The following ESRRG variants were observed in gnomAD, a reference collection of about 807,000 sequenced individuals.
ESRRG encodes the protein estrogen related receptor gamma, also known as estrogen-related receptor gamma.
In ESRRG, 13 loss-of-function variants were observed where a neutral mutation model predicts 44.0. That is an observed-to-expected ratio of 0.30 (90% confidence interval 0.19 to 0.47). The LOEUF (loss-of-function observed/expected upper bound fraction) is 0.47, where lower values mean the gene tolerates loss of function less well. Among genes scored for constraint, ESRRG ranks in the 20% least tolerant of loss-of-function variants. The pLI, the probability that ESRRG is intolerant of heterozygous loss-of-function variation, is 1.00. For synonymous variants in ESRRG, 215 were observed against 214.6 expected (o/e 1.00, Z -0.02); for missense variants, 395 against 580.6 (o/e 0.68, Z 3.29).
rs767065630 is a variant in ESRRG at position 217,008,424 on chromosome 1, C to T, written c.-105-68751G>A. ...CAAACCCTGGACTCCAGTGACTGCT[C>T]TAGAATATCTACATAATGGAATATT... On this transcript the variant is annotated intron_variant, in intron 1 of 7. Transcript: ENST00000359162. 2.4e-4 allele frequency among the ~76,000 whole-genome samples: 36 copies of T among 152,180 alleles called. 1 individual carries two copies. Among genetic ancestry groups the T allele is most frequent in the Non-Finnish European group, 4.6e-4 (31 of 68,030 alleles).
chr1:216,658,658 T>C (rs1331406310), intron 2 of ESRRG, among the ~76,000 whole-genome samples: 1 of 64,164 alleles, frequency 1.6e-5, no homozygotes, highest in Non-Finnish European at 3.0e-5. Flanking sequence ...CCATCTCTAC[T>C]AAAAATACAA....
chr1:217,034,218 G>C (rs2082490869), intron 1 of ESRRG, among the ~76,000 whole-genome samples: 1 of 152,146 alleles, frequency 6.6e-6, no homozygotes, highest in African/African-American at 2.4e-5. Context: ...ATGAGATTTT[G>C]CAACTTGAAT....
intron 1 of ESRRG, among the ~76,000 whole-genome samples, chr1:217,099,158 G>A (rs746779700): frequency 6.6e-6 from 1 of 152,168 alleles, no homozygotes; most frequent in Admixed American, 6.5e-5. Context: ...GCACAGAGTA[G>A]GTGTTCAATA....
At chr1:216,855,219 A>C (rs1468602884) in intron 2 of ESRRG, 5 of 152,186 alleles carry the variant, frequency 3.3e-5, no homozygotes, top group Non-Finnish European at 4.4e-5. Context: ...AAACAAAAAC[A>C]TGCAAAAGTT....
intron 1 of ESRRG, among the ~76,000 whole-genome samples, chr1:216,949,852 A>G (rs1472457075): frequency 2.7e-5 from 4 of 149,074 alleles, no homozygotes; most frequent in Admixed American, 6.7e-5. Flanking sequence ...TTGATCTGTC[A>G]CCCAGGCTGG....
intron 3 of ESRRG, among the ~76,000 whole-genome samples, chr1:216,594,590 C>T (rs1264727058): frequency 6.6e-6 from 1 of 152,160 alleles, no homozygotes; most frequent in Non-Finnish European, 1.5e-5. Context: ...CTAGTGAAAT[C>T]TGAGCACTCA....
intron 2 of ESRRG, chr1:216,936,715 AAAG>A (rs1026079544): frequency 8.5e-5 from 13 of 152,102 alleles, no homozygotes; most frequent in East Asian, 1.9e-4. Context: ...GGAAAAAAAA[AAAG>A]AAGAAGGAGA....
chr1:216,992,646 C>T (rs1269114049), intron 1 of ESRRG, among the ~76,000 whole-genome samples: 3 of 152,172 alleles, frequency 2.0e-5, no homozygotes, highest in Non-Finnish European at 4.4e-5. Context: ...CAAAGTTAAA[C>T]TGTGACTGAA....
At chr1:216,523,951 A>T (rs1434602920) in intron 5 of ESRRG, among the ~76,000 whole-genome samples, 1 of 151,996 alleles carries the variant, frequency 6.6e-6, no homozygotes, top group African/African-American at 2.4e-5. Context: ...CATTTTGAGA[A>T]GCTGATTAAG....
At chr1:217,094,055 T>A (rs917493280), upstream of ESRRG, among the ~76,000 whole-genome samples, 2 of 151,894 alleles carry the variant, frequency 1.3e-5, no homozygotes, top group South Asian at 4.2e-4. Context: ...GCTATTTTTT[T>A]AAACTTTTTT....
At chr1:216,673,195 A>C (rs1444881510) in intron 2 of ESRRG, among the ~76,000 whole-genome samples, 2 of 152,226 alleles carry the variant, frequency 1.3e-5, no homozygotes, top group East Asian at 1.9e-4. Context: ...TTGGAATAAG[A>C]GTCTGGGCCA....
At chr1:217,068,804 A>C (rs1385020229) in intron 1 of ESRRG, among the ~76,000 whole-genome samples, 1 of 152,216 alleles carries the variant, frequency 6.6e-6, no homozygotes, top group African/African-American at 2.4e-5. Flanking sequence ...GGTAAAAAGC[A>C]ATCACTTTTT....
At chr1:216,893,557 T>A (rs928964479) in intron 2 of ESRRG, among the ~76,000 whole-genome samples, 1 of 152,160 alleles carries the variant, frequency 6.6e-6, no homozygotes, top group Non-Finnish European at 1.5e-5. Context: ...AGACACAGTG[T>A]CTGGCAAGCA....
chr1:216,736,884 C>A (rs1433503081), intron 2 of ESRRG, among the ~76,000 whole-genome samples: 1 of 152,088 alleles, frequency 6.6e-6, no homozygotes, highest in Admixed American at 6.6e-5. Flanking sequence ...TCTCTATAGA[C>A]CTGTTTCCCT....
chr1:217,008,339 A>G (rs1331957993), intron 1 of ESRRG, among the ~76,000 whole-genome samples: 1 of 152,242 alleles, frequency 6.6e-6, no homozygotes, highest in Non-Finnish European at 1.5e-5. Flanking sequence ...CTTTTTCCAT[A>G]CATTATTTCT....
chr1:216,902,609 T>C (rs1246007589), intron 2 of ESRRG, among the ~76,000 whole-genome samples: 1 of 152,226 alleles, frequency 6.6e-6, no homozygotes, highest in Non-Finnish European at 1.5e-5. Context: ...TACTCCTCAA[T>C]GCTGGACCCA....
chr1:216,568,143 T>C, intron 3 of ESRRG, 45 bp from the exon 4 acceptor site: 1 of 1,349,816 alleles, frequency 7.4e-7, no homozygotes, highest in Non-Finnish European at 1.1e-6. Context: ...GGTAGCTATG[T>C]TTGAGACCAA....
chr1:216,818,797 G>T (rs755563416), intron 2 of ESRRG, among the ~76,000 whole-genome samples: 1 of 152,012 alleles, frequency 6.6e-6, no homozygotes, highest in Non-Finnish European at 1.5e-5. Flanking sequence ...CCCAGTGTGT[G>T]TTGTTCCCCC....
intron 3 of ESRRG, among the ~76,000 whole-genome samples, chr1:216,639,316 GAA>G (rs968587085): frequency 6.6e-6 from 1 of 152,180 alleles, no homozygotes; most frequent in Non-Finnish European, 1.5e-5. Flanking sequence ...TGAAGGGAGA[GAA>G]AGTTGTATTT....
Sources: gnomAD v4.1 joint callset for allele counts (sites outside exome capture counted in the v4.1 genomes callset) on GRCh38, gnomAD v4.1.1 for gene constraint, MANE v1.5 for transcripts, NCBI Gene and HGNC (gene_info 2026-07-23, HGNC 2026-07-21) for gene names.